NAALADL2: variants seen among roughly 807,000 people sequenced by gnomAD.
The protein encoded by NAALADL2 is N-acetylated alpha-linked acidic dipeptidase like 2, also known as inactive N-acetylated-alpha-linked acidic dipeptidase-like protein 2.
In NAALADL2, 76 loss-of-function variants were observed where a neutral mutation model predicts 87.2. The observed-to-expected ratio is 0.87, with a 90% CI of 0.72 to 1.05. NAALADL2 has a LOEUF of 1.05. NAALADL2 is among the 50% of genes least tolerant of loss of function. The probability of loss-of-function intolerance (pLI) is 0.00; values close to 1 mark genes in which losing one functional copy is unlikely to be tolerated. For missense variants in NAALADL2, 1,089 were observed against 945.8 expected, an observed-to-expected ratio of 1.15 and a Z score of -1.99; for synonymous variants, 354 against 331.0, an observed-to-expected ratio of 1.07 and a Z score of -0.75.
chr3:174,712,377 C>G (rs1051209748), intron 2 of NAALADL2, among the ~76,000 whole-genome samples: 1 of 110,158 alleles, frequency 9.1e-6, no homozygotes, highest in Non-Finnish European at 1.9e-5. Flanking sequence ...CACTTCTCCT[C>G]TTCTTTTTTT....
intron 1 of NAALADL2, among the ~76,000 whole-genome samples, chr3:174,861,988 AG>A (rs1278747676): frequency 4.6e-5 from 7 of 152,068 alleles, no homozygotes. Context: ...AAACATAAAA[AG>A]GAATCTCCTC....
chr3:174,692,818 G>T (rs683217), intron 2 of NAALADL2, among the ~76,000 whole-genome samples: 52,858 of 150,422 alleles, frequency 0.35, 10,215 homozygotes, highest in Non-Finnish European at 0.42. Flanking sequence ...TAAAAATGCT[G>T]TGTAAAATAC....
At chr3:175,134,477 A>C (rs1728772031) in intron 2 of NAALADL2, among the ~76,000 whole-genome samples, 1 of 152,170 alleles carries the variant, frequency 6.6e-6, no homozygotes, top group African/African-American at 2.4e-5. Flanking sequence ...AAAAATGGAA[A>C]ACAGCTGCAA....
chr3:174,985,460 A>T (rs1334770818), intron 1 of NAALADL2, among the ~76,000 whole-genome samples: 1 of 152,160 alleles, frequency 6.6e-6, no homozygotes, highest in African/African-American at 2.4e-5. Flanking sequence ...GTGAACTGTG[A>T]CTGTTAAATG....
chr3:175,354,219 A>C (rs561167412), intron 5 of NAALADL2, among the ~76,000 whole-genome samples: 1 of 152,334 alleles, frequency 6.6e-6, no homozygotes, highest in Admixed American at 6.5e-5. Context: ...CATGATTGAC[A>C]CTTCAGGGTA....
intron 5 of NAALADL2, among the ~76,000 whole-genome samples, chr3:175,441,503 C>A (rs1719756394): frequency 6.6e-6 from 1 of 152,066 alleles, no homozygotes; most frequent in South Asian, 2.1e-4. Context: ...ATACAAATCA[C>A]CTGGGGATCT....
chr3:174,533,639 A>C (rs948999939), intron 1 of NAALADL2, among the ~76,000 whole-genome samples: 1 of 152,110 alleles, frequency 6.6e-6, no homozygotes, highest in East Asian at 1.9e-4. Flanking sequence ...AAAAAAAAAA[A>C]AAACCCACAG....
intron 5 of NAALADL2, among the ~76,000 whole-genome samples, chr3:175,421,738 T>C (rs965822792): frequency 4.6e-5 from 7 of 152,146 alleles, no homozygotes; most frequent in Admixed American, 4.6e-4. Context: ...ATAAATACTA[T>C]GAAAAAAACT....
intron 1 of NAALADL2, among the ~76,000 whole-genome samples, chr3:175,036,848 A>G (rs868671844): frequency 1.4e-5 from 2 of 143,684 alleles, no homozygotes; most frequent in South Asian, 4.3e-4. Flanking sequence ...TTGCTACCCA[A>G]CAACAACAAC....
At chr3:175,512,021 G>A (rs879611195) in intron 9 of NAALADL2, among the ~76,000 whole-genome samples, 6 of 152,060 alleles carry the variant, frequency 3.9e-5, no homozygotes, top group Non-Finnish European at 5.9e-5. Context: ...GTAGAGGATC[G>A]CTTTGAGCCA....
chr3:175,629,949 C>G (rs965836733), intron 11 of NAALADL2, among the ~76,000 whole-genome samples: 1 of 151,492 alleles, frequency 6.6e-6, no homozygotes, highest in Non-Finnish European at 1.5e-5. Flanking sequence ...AGTTATTAAC[C>G]CATTAAGTGG....
chr3:175,598,224 C>T (rs1023016705), intron 10 of NAALADL2, among the ~76,000 whole-genome samples: 4 of 151,836 alleles, frequency 2.6e-5, no homozygotes, highest in African/African-American at 9.7e-5. Context: ...ACCCCATAGG[C>T]GGAACACCTA....
At chr3:175,296,073 A>G (rs186217554) in intron 4 of NAALADL2, among the ~76,000 whole-genome samples, 7 of 34,798 alleles carry the variant, frequency 2.0e-4, no homozygotes, top group East Asian at 1.9e-3. Context: ...TTCCTTAACT[A>G]TCTGCCTGAT....
intron 1 of NAALADL2, among the ~76,000 whole-genome samples, chr3:174,549,583 T>A (rs1337359554): frequency 6.6e-6 from 1 of 152,220 alleles, no homozygotes; most frequent in African/African-American, 2.4e-5. Context: ...GAGGTCACAA[T>A]CTAGGAGGAA....
intron 3 of NAALADL2, among the ~76,000 whole-genome samples, chr3:174,813,284 C>A (rs1720421032): frequency 6.6e-6 from 1 of 152,020 alleles, no homozygotes. Context: ...CTAAAAAAAA[C>A]ACAAAAAATC....
At chr3:174,905,445 C>G (rs1002167096) in intron 1 of NAALADL2, among the ~76,000 whole-genome samples, 2 of 151,568 alleles carry the variant, frequency 1.3e-5, no homozygotes, top group African/African-American at 4.8e-5. Flanking sequence ...GTAGCATATT[C>G]GTAAAGTTAA....
At chr3:175,033,143 C>T (rs1447712678) in intron 1 of NAALADL2, among the ~76,000 whole-genome samples, 1 of 151,700 alleles carries the variant, frequency 6.6e-6, no homozygotes, top group African/African-American at 2.4e-5. Flanking sequence ...GGGGAGGGGT[C>T]CGTGGATCTG....
chr3:175,575,064 T>A (rs1245287402), intron 9 of NAALADL2, among the ~76,000 whole-genome samples: 1 of 152,166 alleles, frequency 6.6e-6, no homozygotes, highest in East Asian at 1.9e-4. Flanking sequence ...TTTGTTTCAT[T>A]TTCGTAAAGC....
intron 1 of NAALADL2, among the ~76,000 whole-genome samples, chr3:174,970,844 T>TGAC (rs990163798): frequency 1.3e-5 from 2 of 152,144 alleles, no homozygotes; most frequent in African/African-American, 4.8e-5. Context: ...ATTTATGGAG[T>TGAC]AGTCACTCAG....
Sources: allele counts gnomAD v4.1 joint callset (sites outside exome capture counted in the v4.1 genomes callset), GRCh38; gene constraint gnomAD v4.1.1; transcripts MANE v1.5; gene names NCBI Gene and HGNC (gene_info 2026-07-23, HGNC 2026-07-21).